The following COL15A1 variants were observed in gnomAD, a reference collection of about 807,000 sequenced individuals.
COL15A1 encodes collagen type XV alpha 1 chain.
A neutral mutation model predicts 165.9 loss-of-function variants in COL15A1; 111 were observed. The ratio of observed to expected loss-of-function variants is 0.67; its 90% CI spans 0.57 to 0.78. The LOEUF (loss-of-function observed/expected upper bound fraction) is 0.78, where lower values mean the gene tolerates loss of function less well. Among genes scored for constraint, COL15A1 ranks in the 30% least tolerant of loss-of-function variants. The pLI, the probability that COL15A1 is intolerant of heterozygous loss-of-function variation, is 0.00. For synonymous variants in COL15A1, 659 were observed against 674.8 expected, an observed-to-expected ratio of 0.98 and a Z score of 0.36; for missense variants, 1,745 against 1,789.7, an observed-to-expected ratio of 0.98 and a Z score of 0.45.
At chr9:99,018,482 A>T (rs1838972787) in intron 11 of COL15A1, among the ~76,000 whole-genome samples, 1 of 152,188 alleles carries the variant, frequency 6.6e-6, no homozygotes, top group South Asian at 2.1e-4. Flanking sequence ...TGCTGACCAG[A>T]AACTTCTCTT....
chr9:98,962,181 C>A (rs565886060), intron 2 of COL15A1, among the ~76,000 whole-genome samples: 1 of 152,178 alleles, frequency 6.6e-6, no homozygotes, highest in Non-Finnish European at 1.5e-5. Context: ...AATGTGCATC[C>A]GTAAACATAG....
chr9:99,042,232 C>T, intron 24 of COL15A1, 125 bp downstream of exon 24: 1 of 689,900 alleles, frequency 1.4e-6, no homozygotes, highest in Non-Finnish European at 2.5e-6. Context: ...ATAAAATTCA[C>T]CCCTTTAAAT....
intron 2 of COL15A1, among the ~76,000 whole-genome samples, chr9:98,980,150 A>T (rs1246825250): frequency 7.4e-6 from 1 of 135,548 alleles, no homozygotes; most frequent in Admixed American, 7.4e-5. Flanking sequence ...ACAGAGCAAG[A>T]CTCTTGTCTC....
chr9:99,020,550 A>T, intron 12 of COL15A1, 108 bp downstream of exon 12: 1 of 775,272 alleles, frequency 1.3e-6, no homozygotes, highest in Non-Finnish European at 2.2e-6. Flanking sequence ...TCGCAGAAGC[A>T]GCAAGAGGGC....
At chr9:98,974,029 C>G (rs947744399) in intron 2 of COL15A1, among the ~76,000 whole-genome samples, 1 of 152,202 alleles carries the variant, frequency 6.6e-6, no homozygotes, top group African/African-American at 2.4e-5. Flanking sequence ...AGGCCCTTTC[C>G]ACCACCCCAT....
chr9:99,049,606 C>T (rs1398090797), intron 28 of COL15A1, 84 bp from the exon 29 acceptor site: 11 of 1,564,748 alleles, frequency 7.0e-6, no homozygotes, highest in Middle Eastern at 4.6e-4. Flanking sequence ...CCCTCCTTTC[C>T]TTCCTCTGGA....
In COL15A1 at chr9:99,001,550, G is replaced by T. The variant is rs1239717856; in HGVS notation, c.1065+599G>T. The stretch of plus-strand genomic sequence containing the variant: ...ATTTTCACAGATATTTAAAAGTCAA[G>T]CCCAGCATAATATCAAAAATTCAAC... On this transcript the variant is annotated intron_variant, in intron 7 of 41. Coordinates refer to ENST00000375001, the MANE Select transcript of COL15A1 (RefSeq NM_001855.5). Among the ~76,000 whole-genome samples, 4 of 152,106 alleles carry T rather than the reference G, an allele frequency of 2.6e-5. No individual in the cohort carries two copies. The East Asian group carries it at 7.7e-4, about 29-fold the overall frequency.
intron 7 of COL15A1, 63 bp from the exon 8 acceptor site, chr9:99,003,390 C>A (rs1331529645): frequency 3.0e-6 from 4 of 1,345,204 alleles, no homozygotes; most frequent in Non-Finnish European, 2.9e-6. Flanking sequence ...TCTGTTCTCA[C>A]CAGCCACAGG....
intron 9 of COL15A1, among the ~76,000 whole-genome samples, chr9:99,007,304 T>A (rs1838779247): frequency 6.6e-6 from 1 of 152,244 alleles, no homozygotes; most frequent in South Asian, 2.1e-4. Flanking sequence ...AGTAGATACC[T>A]TTTAAAGGAA....
rs540101582 is a variant in COL15A1 at position 98,944,228 on chromosome 9, C to T, written c.78C>T (p.Val26=). The change falls in exon 2 of 42, where the codon GTC becomes GTT. Residue 26 remains valine, a synonymous_variant. Transcript: ENST00000375001. ...CGGTCTCCACGCCCCTCCCTGCTGT[C>T]ACCCAGACCCGCGGTGCGACAGGTA... ...LLSVSTPLPA[V]TQTRGATETA... is the part of the protein sequence containing the mutation. 6.2e-7 allele frequency: 1 copy of T among 1,614,028 alleles called. No individual in the cohort carries two copies. Among genetic ancestry groups the T allele is most frequent in the East Asian group, 2.2e-5 (1 of 44,862 alleles).
chr9:99,061,081 C>A (rs989376930), intron 36 of COL15A1, among the ~76,000 whole-genome samples: 1 of 152,130 alleles, frequency 6.6e-6, no homozygotes, highest in African/African-American at 2.4e-5. Context: ...GAAAAATGGA[C>A]AAATACTTCA....
chr9:98,995,341 C>A (rs1838524994), intron 5 of COL15A1, among the ~76,000 whole-genome samples: 1 of 152,152 alleles, frequency 6.6e-6, no homozygotes, highest in African/African-American at 2.4e-5. Context: ...TTTACTGCCA[C>A]CCCCCAGTCA....
At chr9:98,998,598 G>A (rs985916222) in intron 6 of COL15A1, among the ~76,000 whole-genome samples, 3 of 152,188 alleles carry the variant, frequency 2.0e-5, no homozygotes, top group East Asian at 3.8e-4. Context: ...CCCGATGCTG[G>A]GTGGATGAGA....
At position 99,016,055 on chromosome 9, in the gene COL15A1, G is replaced by GC; in HGVS notation, c.1586dup (p.Pro530SerfsTer3). ...ACAGCTGGGGGTGAAGAGTCCGGCAGCCCTCCCCCTGATGGGCCACCGCTG... is the reference window on the plus strand; with the variant it reads ...ACAGCTGGGGGTGAAGAGTCCGGCAGCCCCTCCCCCTGATGGGCCACCGCTG... On this transcript the variant is annotated frameshift_variant, in exon 11 of 42. Transcript: ENST00000375001. LOFTEE classifies it high-confidence loss of function. 1 of 1,614,100 alleles carries GC rather than the reference G, an allele frequency of 6.2e-7. No homozygotes were observed. The highest frequency in any genetic ancestry group is 8.5e-7 in the Non-Finnish European group (1 of 1,179,986).
At chr9:98,968,598 G>A (rs1346615056) in intron 2 of COL15A1, among the ~76,000 whole-genome samples, 1 of 152,126 alleles carries the variant, frequency 6.6e-6, no homozygotes, top group African/African-American at 2.4e-5. Context: ...AGATAATGCA[G>A]GATGATCTTT....
At position 99,062,226 on chromosome 9, in the gene COL15A1, T is replaced by A. The variant is rs761821984; in HGVS notation, c.3532-19T>A. ...GTTTGTAATTGATCTTTCATTTCAA[T>A]GTACTGTTTTTCTTAAAGCTGGGAG... On this transcript the variant is annotated intron_variant, in intron 37 of 41. Transcript: ENST00000375001. 1.2e-6 allele frequency: 2 copies of A among 1,611,140 alleles called. No homozygotes were observed. Among genetic ancestry groups the A allele is most frequent in the South Asian group, 2.2e-5 (2 of 91,006 alleles).
At chr9:98,991,237 C>G (rs1278466549) in intron 5 of COL15A1, among the ~76,000 whole-genome samples, 1 of 129,066 alleles carries the variant, frequency 7.7e-6, no homozygotes, top group Non-Finnish European at 1.6e-5. Flanking sequence ...ACTCAGGCAG[C>G]CTGCTTTTGT....
At chr9:99,054,254 C>T (rs1342341500) in intron 31 of COL15A1, among the ~76,000 whole-genome samples, 1 of 152,218 alleles carries the variant, frequency 6.6e-6, no homozygotes, top group East Asian at 1.9e-4. Flanking sequence ...GTGGCACTGA[C>T]CAAGCCAGGG....
intron 9 of COL15A1, among the ~76,000 whole-genome samples, chr9:99,014,917 G>A (rs1588515741): frequency 6.6e-6 from 1 of 152,268 alleles, no homozygotes; most frequent in Middle Eastern, 3.4e-3. Flanking sequence ...CCTTTCCAAA[G>A]GAAGCAATCA....
Sources: allele counts gnomAD v4.1 joint callset (sites outside exome capture counted in the v4.1 genomes callset), GRCh38; gene constraint gnomAD v4.1.1; transcripts MANE v1.5; gene names NCBI Gene and HGNC (gene_info 2026-07-23, HGNC 2026-07-21).